The following PCGF6 variants were observed in gnomAD, a reference collection of about 807,000 sequenced individuals.
The protein encoded by PCGF6 is polycomb group RING finger protein 6.
In PCGF6, 24 loss-of-function variants were observed where a neutral mutation model predicts 45.5. That is an observed-to-expected ratio of 0.53 (90% confidence interval 0.38 to 0.74). The LOEUF (loss-of-function observed/expected upper bound fraction) is 0.74. Among genes scored for constraint, PCGF6 ranks in the 30% least tolerant of loss-of-function variants. The pLI is 0.00. For missense variants in PCGF6, 356 were observed against 443.2 expected (o/e 0.80, Z 1.77); for synonymous variants, 152 against 162.1 (o/e 0.94, Z 0.47).
At chr10:103,338,051 G>A (rs2093264193) in intron 6 of PCGF6, among the ~76,000 whole-genome samples, 1 of 126,708 alleles carries the variant, frequency 7.9e-6, no homozygotes. Flanking sequence ...GTGACAGAGC[G>A]AGACTCCGTC....
In PCGF6 at chr10:103,326,648, G is replaced by T. The variant is rs1363504369; in HGVS notation, c.811-16C>A. 8.2e-6 allele frequency: 13 copies of T among 1,592,802 alleles called. No homozygotes were observed. The highest frequency in any genetic ancestry group is 9.4e-6 in the Non-Finnish European group (11 of 1,166,280). ...TTTCCAATGGCTACAAAAACAGACAGATAAAACTATTTTTAGGTTAAATAT... is the reference window on the plus strand; with the variant it reads ...TTTCCAATGGCTACAAAAACAGACATATAAAACTATTTTTAGGTTAAATAT... On this transcript the variant is annotated splice_polypyrimidine_tract_variant and intron_variant, in intron 7 of 9. Coordinates refer to ENST00000369847, the MANE Select transcript of PCGF6 (RefSeq NM_001011663.2).
intron 8 of PCGF6, among the ~76,000 whole-genome samples, chr10:103,323,832 GC>G (rs1401030990): frequency 5.3e-5 from 8 of 152,114 alleles, no homozygotes; most frequent in African/African-American, 1.9e-4. Context: ...TGATCCACCT[GC>G]CTCGACCTCC....
At chr10:103,326,691 G>T in intron 7 of PCGF6, 59 bp from the exon 8 acceptor site, 1 of 1,231,960 alleles carries the variant, frequency 8.1e-7, no homozygotes, top group African/African-American at 1.5e-5. Flanking sequence ...CATGCATGAC[G>T]TATGTGTATA....
chr10:103,342,832 A>G (rs1022281837), intron 6 of PCGF6, among the ~76,000 whole-genome samples: 8 of 152,194 alleles, frequency 5.3e-5, no homozygotes, highest in Non-Finnish European at 1.0e-4. Flanking sequence ...TAAAATTTGG[A>G]ATTACATGAT....
rs1307108294 is a variant in PCGF6 at position 103,350,931 on chromosome 10, C to G, written c.136G>C (p.Ala46Pro). 22 of 1,511,646 alleles carry G rather than the reference C, an allele frequency of 1.5e-5. No individual in the cohort carries two copies. Among genetic ancestry groups the G allele is most frequent in the Admixed American group, 2.4e-5 (1 of 42,530 alleles). The allele number at this position is 1,511,646 out of a possible 1,614,324, so 93.6% of individuals were successfully genotyped here. A position where few individuals can be genotyped will look rare whatever the true frequency, so the allele number is the denominator to read the frequency against. Residue 46 changes from alanine (A) to proline (P), a missense_variant, in exon 1 of 10, where the codon GCG (alanine) becomes CCG (proline). This residue lies in a region of PCGF6 where 307 missense variants were observed against 350.1 expected (regional missense o/e 0.88). Transcript: ENST00000369847. ...GGAGCCCCCGTCTCAGACAGAGGCG[C>G]CGGTCCCTCCTCACCCGCTGCGGGT... The part of the protein sequence containing the change: ...PAPAAGEEGP[A>P]PLSETGAPGC...
At chr10:103,346,320 C>T (rs771134605) in intron 5 of PCGF6, among the ~76,000 whole-genome samples, 6 of 151,668 alleles carry the variant, frequency 4.0e-5, no homozygotes, top group African/African-American at 1.2e-4. Flanking sequence ...GGAGAAACCC[C>T]GTCTCTATTA....
intron 9 of PCGF6, among the ~76,000 whole-genome samples, chr10:103,308,893 T>A (rs1283641289): frequency 2.0e-5 from 3 of 151,792 alleles, no homozygotes; most frequent in Admixed American, 1.3e-4. Flanking sequence ...AATAAATAAA[T>A]AAAAATAAAA....
At chr10:103,305,892 T>C (rs1454878221) in intron 9 of PCGF6, among the ~76,000 whole-genome samples, 1 of 146,890 alleles carries the variant, frequency 6.8e-6, no homozygotes, top group Non-Finnish European at 1.5e-5. Flanking sequence ...TCTACTTATA[T>C]AATTTAAAAA....
chr10:103,340,883 A>G (rs946224853), intron 6 of PCGF6, among the ~76,000 whole-genome samples: 4 of 152,208 alleles, frequency 2.6e-5, no homozygotes, highest in African/African-American at 4.8e-5. Context: ...GATTACAGGC[A>G]TAAGCCACCA....
intron 5 of PCGF6, among the ~76,000 whole-genome samples, chr10:103,346,017 AC>A (rs1274780488): frequency 1.3e-5 from 2 of 150,708 alleles, no homozygotes; most frequent in Non-Finnish European, 2.9e-5. Context: ...ACATGGTGAA[AC>A]CCCATCTCTA....
chr10:103,324,829 T>C (rs2093211432), intron 8 of PCGF6, among the ~76,000 whole-genome samples: 1 of 127,942 alleles, frequency 7.8e-6, no homozygotes, highest in Non-Finnish European at 1.7e-5. Flanking sequence ...TCTCTTTTAA[T>C]CCATAAAAAA....
At position 103,303,813 on chromosome 10, in the gene PCGF6, G is replaced by A; in HGVS notation, c.*92C>T. On this transcript the variant is annotated 3_prime_UTR_variant, in exon 10 of 10. Transcript: ENST00000369847. ...GGTAAGTTATGTCTTGAACAGCAAA[G>A]TGGTAGCAATTACATTTCATGGAAA... 1 of 1,125,248 alleles carries A rather than the reference G, an allele frequency of 8.9e-7. No homozygotes were observed. Among genetic ancestry groups the A allele is most frequent in the South Asian group, 1.3e-5 (1 of 75,864 alleles). The allele number at this position is 1,125,248 out of a possible 1,614,324, so 69.7% of individuals were successfully genotyped here. A position where few individuals can be genotyped will look rare whatever the true frequency, so the allele number is the denominator to read the frequency against.
At chr10:103,349,076 TCTCA>T (rs2093310312) in intron 1 of PCGF6, 77 bp from the exon 2 acceptor site, 2 of 1,261,592 alleles carry the variant, frequency 1.6e-6, no homozygotes, top group Non-Finnish European at 2.2e-6. Flanking sequence ...TGAGACAGAG[TCTCA>T]CTCTGTAGCC....
At chr10:103,314,367 T>G in intron 8 of PCGF6, 95 bp from the exon 9 acceptor site, 1 of 774,640 alleles carries the variant, frequency 1.3e-6, no homozygotes. Flanking sequence ...GTTTCCAAAC[T>G]AGATTTTGTA....
At chr10:103,307,686 T>G (rs997683092) in intron 9 of PCGF6, among the ~76,000 whole-genome samples, 78 of 152,174 alleles carry the variant, frequency 5.1e-4, no homozygotes, top group African/African-American at 1.9e-3. Flanking sequence ...TTGCCCAGGC[T>G]GGTCTCAAAC....
chr10:103,312,140 T>G (rs1418958390), intron 9 of PCGF6, among the ~76,000 whole-genome samples: 1 of 134,400 alleles, frequency 7.4e-6, no homozygotes, highest in Non-Finnish European at 1.6e-5. Context: ...ACGCCTGTAA[T>G]CCCAGCACTT....
intron 8 of PCGF6, among the ~76,000 whole-genome samples, chr10:103,325,115 A>G (rs961461365): frequency 2.4e-4 from 37 of 151,782 alleles, no homozygotes; most frequent in African/African-American, 7.7e-4. Context: ...AGCCTGGGCA[A>G]CAGAGTGGGA....
intron 6 of PCGF6, among the ~76,000 whole-genome samples, chr10:103,343,048 C>T (rs572880599): frequency 1.3e-5 from 2 of 152,192 alleles, no homozygotes; most frequent in Non-Finnish European, 2.9e-5. Flanking sequence ...CCTGCCTCAG[C>T]CTCCCGAGTA....
chr10:103,339,439 C>A (rs2093270252), intron 6 of PCGF6, among the ~76,000 whole-genome samples: 2 of 151,632 alleles, frequency 1.3e-5, no homozygotes, highest in Non-Finnish European at 1.5e-5. Flanking sequence ...CACTGAATAC[C>A]CATCATAACC....
Sources: allele counts gnomAD v4.1 joint callset (sites outside exome capture counted in the v4.1 genomes callset), GRCh38; gene constraint gnomAD v4.1.1; regional missense constraint gnomAD v4.1.1; transcripts MANE v1.5; gene names NCBI Gene and HGNC (gene_info 2026-07-23, HGNC 2026-07-21).